Variants in SLC4A10 observed in about 807,000 individuals in gnomAD.
The protein encoded by SLC4A10 is sodium-driven chloride bicarbonate exchanger.
A neutral mutation model predicts 137.7 loss-of-function variants in SLC4A10; 42 were observed. That is an observed-to-expected ratio of 0.30 (90% CI 0.24 to 0.39). The LOEUF is 0.39. Ranked by LOEUF, SLC4A10 falls within the 10% of genes least tolerant of loss-of-function variation. The probability of loss-of-function intolerance (pLI) is 1.00; values close to 1 mark genes in which losing one functional copy is unlikely to be tolerated. For missense variants in SLC4A10, 925 were observed against 1,355.0 expected (o/e 0.68, Z 4.98); for synonymous variants, 474 against 464.1 (o/e 1.02, Z -0.27).
chr2:161,920,130 G>C (rs973902541), intron 15 of SLC4A10, among the ~76,000 whole-genome samples: 1 of 152,224 alleles, frequency 6.6e-6, no homozygotes, highest in Non-Finnish European at 1.5e-5. Context: ...CTGTGCCTTT[G>C]GCAGGCCTGG....
At chr2:161,920,960 G>T (rs576686910) in intron 15 of SLC4A10, among the ~76,000 whole-genome samples, 17 of 152,334 alleles carry the variant, frequency 1.1e-4, no homozygotes, top group Admixed American at 9.8e-4. Context: ...GTCTGGAGAT[G>T]TCCTTTGGAC....
chr2:161,744,117 T>C (rs532085392), intron 1 of SLC4A10, among the ~76,000 whole-genome samples: 1 of 152,196 alleles, frequency 6.6e-6, no homozygotes, highest in African/African-American at 2.4e-5. Context: ...GGATGGACTT[T>C]ATTTCTTTCT....
intron 21 of SLC4A10, among the ~76,000 whole-genome samples, chr2:161,958,758 T>C (rs962346324): frequency 3.9e-5 from 6 of 152,222 alleles, no homozygotes; most frequent in African/African-American, 1.4e-4. Flanking sequence ...GGTACTTTTC[T>C]TTATCATAAG....
rs570353978 is a variant in SLC4A10, at chr2:161,953,709, G to A, written c.2541+2861G>A. 4.9e-4 allele frequency among the ~76,000 whole-genome samples: 75 copies of A among 152,300 alleles called. 1 individual carries two copies. In the South Asian group the frequency reaches 9.3e-3, roughly 19 times the overall value. On this transcript the variant is annotated intron_variant, in intron 19 of 26. Coordinates refer to ENST00000446997, the MANE Select transcript of SLC4A10 (RefSeq NM_001178015.2). ...CTTACTACTCCCGAAGAATGGGGGA[G>A]CTCAAAATCAGTAAACCTCGAACTC...
chr2:161,797,217 A>T (rs1655909035), intron 2 of SLC4A10, among the ~76,000 whole-genome samples: 1 of 152,018 alleles, frequency 6.6e-6, no homozygotes, highest in South Asian at 2.1e-4. Flanking sequence ...TCTAATATGA[A>T]CTTCACATTA....
chr2:161,673,941 G>A (rs1486188018), intron 1 of SLC4A10, among the ~76,000 whole-genome samples: 2 of 152,150 alleles, frequency 1.3e-5, no homozygotes, highest in African/African-American at 4.8e-5. Flanking sequence ...AGTGAGCTGA[G>A]ATCACGCCAC....
intron 15 of SLC4A10, among the ~76,000 whole-genome samples, chr2:161,920,497 G>A (rs1234232251): frequency 2.0e-5 from 3 of 152,146 alleles, no homozygotes; most frequent in Admixed American, 6.5e-5. Context: ...ACAAAATAAA[G>A]GGTTGCAAAA....
intron 1 of SLC4A10, among the ~76,000 whole-genome samples, chr2:161,702,469 A>T (rs909829214): frequency 4.2e-4 from 64 of 151,880 alleles, no homozygotes; most frequent in African/African-American, 1.5e-3. Flanking sequence ...GAATAAGTTG[A>T]CACATTAAAA....
chr2:161,663,306 A>G (rs2038665493), intron 1 of SLC4A10, among the ~76,000 whole-genome samples: 2 of 152,054 alleles, frequency 1.3e-5, no homozygotes, highest in South Asian at 4.1e-4. Flanking sequence ...TGAAGTGAAG[A>G]ATATGTTTCT....
At chr2:161,887,810 T>G (rs1439294100) in intron 10 of SLC4A10, among the ~76,000 whole-genome samples, 1 of 152,232 alleles carries the variant, frequency 6.6e-6, no homozygotes, top group African/African-American at 2.4e-5. Context: ...TTAGTTTAAT[T>G]AGCTCCCATT....
intron 1 of SLC4A10, among the ~76,000 whole-genome samples, chr2:161,735,873 A>G (rs2047287889): frequency 6.6e-6 from 1 of 152,202 alleles, no homozygotes; most frequent in African/African-American, 2.4e-5. Flanking sequence ...ATTAAGTATC[A>G]AAAATATTAA....
chr2:161,947,612 A>G lies in SLC4A10; in HGVS notation c.2150A>G (p.His717Arg), dbSNP rs762856959. The change falls in exon 17 of 27, where the codon CAT (histidine) becomes CGT (arginine). Residue 717 changes from histidine to arginine, a missense_variant. This residue lies in a region of SLC4A10 where 91 missense variants were observed against 95.6 expected (regional missense o/e 0.95). Transcript: ENST00000446997. ...GAGTATGTTGGACGGGCCTGTGGCC[A>G]TGATCACCCATATGTTCCAGATGTT... The part of the protein sequence containing the change: ...HGEYVGRACG[H>R]DHPYVPDVLF... 3 of 1,613,206 alleles carry G rather than the reference A, an allele frequency of 1.9e-6. No homozygotes were observed. Among genetic ancestry groups the G allele is most frequent in the East Asian group, 2.2e-5 (1 of 44,858 alleles).
At chr2:161,646,428 C>G (rs2036036994) in intron 1 of SLC4A10, among the ~76,000 whole-genome samples, 1 of 151,880 alleles carries the variant, frequency 6.6e-6, no homozygotes, top group African/African-American at 2.4e-5. Context: ...TAAAGCAATG[C>G]AAAAATTTCT....
At chr2:161,775,482 A>G (rs570725244) in intron 2 of SLC4A10, among the ~76,000 whole-genome samples, 5 of 151,894 alleles carry the variant, frequency 3.3e-5, no homozygotes, top group Admixed American at 2.6e-4. Flanking sequence ...TTGTTTCACT[A>G]TATTAACCCA....
chr2:161,938,868 GA>G (rs963901931), intron 15 of SLC4A10, among the ~76,000 whole-genome samples: 11 of 150,566 alleles, frequency 7.3e-5, no homozygotes, highest in African/African-American at 1.2e-4. Flanking sequence ...ATATCCTAGG[GA>G]AAAAAAACCC....
chr2:161,666,152 T>A (rs2105749865), intron 1 of SLC4A10, among the ~76,000 whole-genome samples: 1 of 151,590 alleles, frequency 6.6e-6, no homozygotes, highest in African/African-American at 2.4e-5. Flanking sequence ...TATAGGCCAA[T>A]CTTAATTGAG....
Position 161,905,735 on chromosome 2 carries a change from C to T in SLC4A10, c.1845C>T (p.Ser615=), listed in dbSNP as rs1206299443. The change falls in exon 15 of 27, where the codon TCC becomes TCT. Residue 615 remains serine (S), a synonymous_variant. Transcript: ENST00000446997. ...CIILVATDAS[S]LVCYITRFTE... The stretch of plus-strand genomic sequence containing the variant: ...TACTTGTGGCCACAGATGCTAGTTC[C>T]CTTGTCTGCTACATCACTCGGTTTA... 2.5e-6 allele frequency: 4 copies of T among 1,613,934 alleles called. No homozygotes were observed. In the South Asian group the frequency reaches 3.3e-5, roughly 13 times the overall value.
chr2:161,647,169 C>T (rs1015091472), intron 1 of SLC4A10, among the ~76,000 whole-genome samples: 1 of 152,008 alleles, frequency 6.6e-6, no homozygotes, highest in Non-Finnish European at 1.5e-5. Context: ...TGATTTAACA[C>T]TGAAACTAAG....
At chr2:161,881,589 A>G (rs1344007726) in intron 9 of SLC4A10, among the ~76,000 whole-genome samples, 1 of 151,986 alleles carries the variant, frequency 6.6e-6, no homozygotes. Flanking sequence ...ACAAATTAAC[A>G]CCACAGAATG....
Sources: allele counts gnomAD v4.1 joint callset (sites outside exome capture counted in the v4.1 genomes callset), GRCh38; gene constraint gnomAD v4.1.1; regional missense constraint gnomAD v4.1.1; transcripts MANE v1.5; gene names NCBI Gene and HGNC (gene_info 2026-07-23, HGNC 2026-07-21).